CAMK2B: variants seen among roughly 807,000 people sequenced by gnomAD.
The protein encoded by CAMK2B is calcium/calmodulin dependent protein kinase II beta, also known as calcium/calmodulin-dependent protein kinase type II subunit beta.
Under a neutral mutation model 93.7 loss-of-function variants are expected in CAMK2B, and 27 were observed. The observed-to-expected ratio is 0.29, with a 90% CI of 0.21 to 0.40. The LOEUF is 0.40. Among genes scored for constraint, CAMK2B ranks in the 10% least tolerant of loss-of-function variants. The pLI is 1.00. For missense variants in CAMK2B, 568 were observed against 895.8 expected (o/e 0.63, Z 4.67); for synonymous variants, 374 against 358.8 (o/e 1.04, Z -0.48).
intron 8 of CAMK2B, among the ~76,000 whole-genome samples, 153 bp downstream of exon 8, chr7:44,243,097 G>T (rs1378200750): frequency 3.3e-5 from 5 of 152,226 alleles, no homozygotes; most frequent in African/African-American, 9.6e-5. Context: ...GGCTGTGTGG[G>T]CAGACCCCTG....
chr7:44,255,959 A>G (rs2096829914), intron 4 of CAMK2B, among the ~76,000 whole-genome samples: 1 of 152,092 alleles, frequency 6.6e-6, no homozygotes, highest in South Asian at 2.1e-4. Flanking sequence ...GCAGGGCATT[A>G]AAGGACTGGG....
intron 19 of CAMK2B, among the ~76,000 whole-genome samples, chr7:44,227,694 GGCGTGAAGGGACCAAGGT>G (rs1185089935): frequency 3.4e-4 from 9 of 26,510 alleles, no homozygotes; most frequent in South Asian, 1.4e-3. Context: ...GACAGAAAAG[GGCGTGAAGGGACCAAGGT>G]GGGTGTGGGG....
rs2096395523 is a variant in CAMK2B, at chr7:44,220,955, C to T, written c.1598-54G>A. Reference sequence around the variant, plus strand: ...TGGGCGCTGGCCCATTCCCCCCGGACCCCTCCACACAGCCCAGGGGAGGGC... The same window carrying T: ...TGGGCGCTGGCCCATTCCCCCCGGATCCCTCCACACAGCCCAGGGGAGGGC... On this transcript the variant is annotated intron_variant, in intron 20 of 23. Coordinates refer to ENST00000395749, the MANE Select transcript of CAMK2B (RefSeq NM_001220.5). 6 of 1,460,584 alleles carry T rather than the reference C, an allele frequency of 4.1e-6. No homozygotes were observed. In the South Asian group the frequency reaches 6.1e-5, roughly 15 times the overall value. 90.5% of individuals were successfully genotyped at this position (1,460,584 alleles called of 1,614,324 possible).
chr7:44,294,302 G>A (rs1032644877), intron 1 of CAMK2B, among the ~76,000 whole-genome samples: 2 of 152,200 alleles, frequency 1.3e-5, no homozygotes, highest in African/African-American at 2.4e-5. Context: ...GGCATCCTGG[G>A]ATGCATGCTG....
intron 1 of CAMK2B, among the ~76,000 whole-genome samples, chr7:44,310,388 C>A (rs1278291586): frequency 6.6e-6 from 1 of 152,180 alleles, no homozygotes; most frequent in Non-Finnish European, 1.5e-5. Flanking sequence ...TTTGACCCAA[C>A]CCTCCTGGTT....
Position 44,229,495 on chromosome 7 carries a change from C to A in CAMK2B, c.1232G>T (p.Arg411Met). The change falls in exon 18 of 24, where the codon AGG (arginine) becomes ATG (methionine). Residue 411 changes from arginine (R) to methionine (M), a missense_variant. Around this residue, in one of 4 missense-constraint regions of CAMK2B, gnomAD observed 308 missense variants for 292.1 expected, o/e 1.05. Coordinates refer to ENST00000395749, the MANE Select transcript of CAMK2B (RefSeq NM_001220.5). The part of the protein sequence containing the change: ...TIEDEDAKAP[R>M]VPDILSSVRR... Reference sequence around the variant, plus strand: ...CACTGAGCTCAGGATGTCGGGGACCCTGGGGGCTGAGGCGGAACAGGTGAG... The same window carrying A: ...CACTGAGCTCAGGATGTCGGGGACCATGGGGGCTGAGGCGGAACAGGTGAG... 7.0e-7 allele frequency: 1 copy of A among 1,430,742 alleles called. No individual in the cohort carries two copies. The highest frequency in any genetic ancestry group is 9.2e-7 in the Non-Finnish European group (1 of 1,089,906). The allele number at this position is 1,430,742 out of a possible 1,614,324, so 88.6% of individuals were successfully genotyped here. A position where few individuals can be genotyped will look rare whatever the true frequency, so the allele number is the denominator to read the frequency against.
rs879363598 is a variant in CAMK2B at position 44,240,063 on chromosome 7, C to T, written c.947-400G>A. Among the ~76,000 whole-genome samples the T allele has an allele frequency of 1.2e-4, 18 of 152,262 alleles. No homozygotes were observed. In the East Asian group the frequency reaches 2.9e-3, roughly 25 times the overall value. On this transcript the variant is annotated intron_variant, in intron 12 of 23. Coordinates refer to ENST00000395749, the MANE Select transcript of CAMK2B (RefSeq NM_001220.5). ...GACAACGAGAGAGACGGATCACAGA[C>T]GCTCGCACACGGAGTGTCGGACGAC...
Position 44,229,373 on chromosome 7 carries a change from AC to A in CAMK2B, c.1339+14del. On this transcript the variant is annotated intron_variant, in intron 18 of 23. Transcript: ENST00000395749. ...CCAACATGACCCCCACAGCAGCAGG[AC>A]CCAGGCTACTTACATGGGGCTGGCA... 1 of 1,494,212 alleles carries A rather than the reference AC, an allele frequency of 6.7e-7. No homozygotes were observed. Among genetic ancestry groups the A allele is most frequent in the Middle Eastern group, 1.7e-4 (1 of 5,814 alleles). The allele number at this position is 1,494,212 out of a possible 1,614,324, so 92.6% of individuals were successfully genotyped here.
At chr7:44,226,094 C>T (rs1008624442) in intron 20 of CAMK2B, among the ~76,000 whole-genome samples, 5 of 152,102 alleles carry the variant, frequency 3.3e-5, no homozygotes, top group East Asian at 1.9e-4. Context: ...AATGCTAGAG[C>T]GTCTCAGGCC....
intron 1 of CAMK2B, chr7:44,325,130 C>CGCTGGGCAGA (rs888144385): frequency 4.6e-5 from 7 of 151,892 alleles, no homozygotes; most frequent in Admixed American, 3.3e-4. Context: ...CCGGCAGCCG[C>CGCTGGGCAGA]GCTGGGCAGA....
intron 6 of CAMK2B, among the ~76,000 whole-genome samples, chr7:44,246,671 G>A (rs1336459890): frequency 6.6e-6 from 1 of 151,798 alleles, no homozygotes; most frequent in Non-Finnish European, 1.5e-5. Flanking sequence ...CTCTAAGTGT[G>A]CACATACATG....
intron 5 of CAMK2B, among the ~76,000 whole-genome samples, chr7:44,249,493 A>G (rs1391343532): frequency 6.6e-6 from 1 of 152,154 alleles, no homozygotes; most frequent in Non-Finnish European, 1.5e-5. Flanking sequence ...TCCTGTGGTC[A>G]GTCTTGGCCC....
In CAMK2B at chr7:44,318,580, C is replaced by T. The variant is rs180723457; in HGVS notation, c.65+6777G>A. ...ACGGCACTCACTGGGATGTGCTTGACACCCAGAGGGCATTACAGCAAAAGG... is the reference window on the plus strand; with the variant it reads ...ACGGCACTCACTGGGATGTGCTTGATACCCAGAGGGCATTACAGCAAAAGG... On this transcript the variant is annotated intron_variant, in intron 1 of 23. Coordinates refer to ENST00000395749, the MANE Select transcript of CAMK2B (RefSeq NM_001220.5). 1.1e-4 allele frequency among the ~76,000 whole-genome samples: 16 copies of T among 152,362 alleles called. No homozygotes were observed. The East Asian group carries it at 2.5e-3, about 24-fold the overall frequency.
At position 44,231,072 on chromosome 7, in the gene CAMK2B, G is replaced by A; in HGVS notation, c.1177-18C>T. ...GAAGACTCCTGAGGAAACACGGGAG[G>A]CAGCGGGTCAGGATGCGGCCAAGGA... On this transcript the variant is annotated intron_variant, in intron 16 of 23. Transcript: ENST00000395749. 6.4e-7 allele frequency: 1 copy of A among 1,552,576 alleles called. No individual in the cohort carries two copies. The highest frequency in any genetic ancestry group is 8.7e-7 in the Non-Finnish European group (1 of 1,147,418).
intron 3 of CAMK2B, among the ~76,000 whole-genome samples, chr7:44,259,214 CCTT>C (rs1409787874): frequency 6.6e-6 from 1 of 152,200 alleles, no homozygotes; most frequent in Non-Finnish European, 1.5e-5. Context: ...TCACCTGTCT[CCTT>C]CTGCCAGAGA....
intron 5 of CAMK2B, among the ~76,000 whole-genome samples, chr7:44,251,108 G>T (rs1457545233): frequency 2.0e-5 from 3 of 152,160 alleles, no homozygotes; most frequent in Non-Finnish European, 1.5e-5. Flanking sequence ...ACCAGGCAGG[G>T]CATTAGTACA....
At chr7:44,238,786 G>A (rs562405530) in intron 13 of CAMK2B, among the ~76,000 whole-genome samples, 36 of 152,308 alleles carry the variant, frequency 2.4e-4, no homozygotes, top group African/African-American at 6.5e-4. Flanking sequence ...GTGGCCAGGC[G>A]TTGTCAGCTT....
At position 44,258,925 on chromosome 7, in the gene CAMK2B, C is replaced by T; in HGVS notation, c.222G>A (p.Val74=). ...CCTCGGAGATGCTGTCGTGGAGACG[C>T]ACTGTGGGGACAGAGAAGCCATGAG... ...ICRLLKHSNI[V]RLHDSISEEG... Residue 74 remains valine (V), a splice_region_variant and synonymous_variant, in exon 4 of 24, where the codon GTG becomes GTA. Coordinates refer to ENST00000395749, the MANE Select transcript of CAMK2B (RefSeq NM_001220.5). 1 of 1,613,768 alleles carries T rather than the reference C, an allele frequency of 6.2e-7. No homozygotes were observed. The highest frequency in any genetic ancestry group is 1.3e-5 in the African/African-American group (1 of 75,048).
intron 13 of CAMK2B, among the ~76,000 whole-genome samples, chr7:44,236,018 TAC>T (rs2096622547): frequency 6.6e-6 from 1 of 152,140 alleles, no homozygotes; most frequent in Non-Finnish European, 1.5e-5. Flanking sequence ...AATCGCCCTG[TAC>T]AGTCAGAAAT....
Sources: gnomAD v4.1 joint callset for allele counts (sites outside exome capture counted in the v4.1 genomes callset) on GRCh38, gnomAD v4.1.1 for gene constraint, gnomAD v4.1.1 regional missense constraint, MANE v1.5 for transcripts, NCBI Gene and HGNC (gene_info 2026-07-23, HGNC 2026-07-21) for gene names.